TENM2: variants seen among roughly 807,000 people sequenced by gnomAD.
TENM2 encodes the protein teneurin-2.
Under a neutral mutation model 245.2 loss-of-function variants are expected in TENM2, and 52 were observed. The ratio of observed to expected loss-of-function variants is 0.21; its 90% CI spans 0.17 to 0.27. TENM2 has a LOEUF of 0.27. Ranked by LOEUF, TENM2 falls within the 10% of genes least tolerant of loss-of-function variation. TENM2 has a pLI of 1.00. For synonymous variants in TENM2, 1,363 were observed against 1,438.9 expected (o/e 0.95, Z 1.19); for missense variants, 3,046 against 3,666.8 (o/e 0.83, Z 4.37).
chr5:167,839,477 G>A lies in TENM2; in HGVS notation c.503-36509G>A, dbSNP rs370140537. Reference sequence around the variant, plus strand: ...TCATAGCTTTTAGAAAAGAAAAAACGAAGAGGTTAGATAGGCCCTGATGTA... The same window carrying A: ...TCATAGCTTTTAGAAAAGAAAAAACAAAGAGGTTAGATAGGCCCTGATGTA... On this transcript the variant is annotated intron_variant, in intron 2 of 28. Transcript: ENST00000518659. Among the ~76,000 whole-genome samples the A allele has an allele frequency of 3.3e-5, 5 of 152,192 alleles. No individual in the cohort carries two copies. The Middle Eastern group carries it at 0.01, about 311-fold the overall frequency.
intron 2 of TENM2, among the ~76,000 whole-genome samples, chr5:167,489,070 C>A (rs980798785): frequency 7.2e-5 from 11 of 152,232 alleles, no homozygotes; most frequent in African/African-American, 2.2e-4. Flanking sequence ...ACCACCATCA[C>A]TCCCCCTGGG....
chr5:168,258,449 C>T (rs1050355929), intron 27 of TENM2, among the ~76,000 whole-genome samples: 7 of 151,998 alleles, frequency 4.6e-5, no homozygotes, highest in African/African-American at 1.7e-4. Flanking sequence ...TGCAGTGAGC[C>T]GAAATCGCGC....
intron 2 of TENM2, among the ~76,000 whole-genome samples, chr5:167,733,617 A>G (rs1760589704): frequency 6.6e-6 from 1 of 152,176 alleles, no homozygotes; most frequent in Non-Finnish European, 1.5e-5. Context: ...CAACTTCTGA[A>G]GTTAGTTTTT....
chr5:167,144,401 C>T, the TENM2 span, among the ~76,000 whole-genome samples: 4 of 152,156 alleles, frequency 2.6e-5, no homozygotes, highest in Admixed American at 6.6e-5. Context: ...AAGGAAGCCC[C>T]GGTGCTTTGT....
chr5:168,097,644 T>A (rs985353089), intron 8 of TENM2, among the ~76,000 whole-genome samples: 1 of 151,858 alleles, frequency 6.6e-6, no homozygotes, highest in Non-Finnish European at 1.5e-5. Context: ...TAGTGATGGG[T>A]TTTTACCATG....
chr5:167,503,251 A>AT (rs1239871357), intron 2 of TENM2, among the ~76,000 whole-genome samples: 4 of 152,172 alleles, frequency 2.6e-5, no homozygotes, highest in African/African-American at 2.4e-5. Flanking sequence ...ATCATTATAT[A>AT]TTTTTTTAAA....
intron 3 of TENM2, among the ~76,000 whole-genome samples, chr5:167,916,885 G>C (rs1417376322): frequency 6.6e-6 from 1 of 152,216 alleles, no homozygotes; most frequent in Non-Finnish European, 1.5e-5. Context: ...AGCCGCAGCT[G>C]ATCTCAGCAT....
chr5:167,659,491 G>A lies in TENM2; in HGVS notation c.503-216495G>A, dbSNP rs113744417. Among the ~76,000 whole-genome samples, 1,111 of 152,236 alleles carry A rather than the reference G, an allele frequency of 7.3e-3. 12 individuals are homozygous for A. Among genetic ancestry groups the A allele is most frequent in the African/African-American group, 0.023 (967 of 41,550 alleles). ...TACAAGGAAGCAAATGAAATACTCA[G>A]TACTTTCCTTTATACATTTATCCAC... is the stretch of plus-strand genomic sequence containing the variant. On this transcript the variant is annotated intron_variant, in intron 2 of 28. Coordinates refer to ENST00000518659, the Ensembl canonical transcript of TENM2.
At chr5:168,022,558 G>A (rs540296804) in intron 5 of TENM2, among the ~76,000 whole-genome samples, 1 of 152,136 alleles carries the variant, frequency 6.6e-6, no homozygotes, top group Non-Finnish European at 1.5e-5. Context: ...CTACCACTCG[G>A]GTTAAGTTTT....
chr5:167,446,237 A>G (rs1456388436), intron 2 of TENM2, among the ~76,000 whole-genome samples: 3 of 152,190 alleles, frequency 2.0e-5, no homozygotes, highest in African/African-American at 4.8e-5. Flanking sequence ...GCGAGTGAAC[A>G]CTGAAAGACT....
intron 2 of TENM2, among the ~76,000 whole-genome samples, chr5:167,791,882 T>G (rs1194390794): frequency 6.6e-6 from 1 of 152,116 alleles, no homozygotes; most frequent in African/African-American, 2.4e-5. Context: ...GGCAGTTGAC[T>G]CTTCAGATGG....
At chr5:167,579,667 A>G (rs1350796685) in intron 2 of TENM2, among the ~76,000 whole-genome samples, 1 of 152,174 alleles carries the variant, frequency 6.6e-6, no homozygotes, top group Non-Finnish European at 1.5e-5. Context: ...TGTGTGTGTG[A>G]GTGTGGAGAA....
chr5:167,641,966 C>T (rs1779642210), intron 2 of TENM2, among the ~76,000 whole-genome samples: 1 of 151,800 alleles, frequency 6.6e-6, no homozygotes, highest in South Asian at 2.1e-4. Flanking sequence ...CATGGTGAAA[C>T]CCCGTTTCTA....
intron 2 of TENM2, 77 bp from the exon 5 acceptor site, chr5:167,875,909 T>A: frequency 1.1e-6 from 1 of 883,944 alleles, no homozygotes; most frequent in Non-Finnish European, 1.8e-6. Flanking sequence ...TATTGTGAGC[T>A]GGTTTCAATG....
intron 2 of TENM2, among the ~76,000 whole-genome samples, chr5:167,678,102 T>G (rs962415124): frequency 1.3e-5 from 2 of 152,134 alleles, no homozygotes; most frequent in East Asian, 1.9e-4. Flanking sequence ...AGAATAGATT[T>G]TAATACATAT....
the TENM2 span, among the ~76,000 whole-genome samples, chr5:167,121,917 C>T: frequency 1.1e-4 from 16 of 152,132 alleles, no homozygotes; most frequent in Non-Finnish European, 1.8e-4. Flanking sequence ...AGTTTAAATA[C>T]TTTGATATAT....
At chr5:167,382,937 T>C (rs1761177306) in intron 2 of TENM2, among the ~76,000 whole-genome samples, 1 of 151,948 alleles carries the variant, frequency 6.6e-6, no homozygotes, top group Non-Finnish European at 1.5e-5. Flanking sequence ...CACACAAATA[T>C]ATAAAACTAT....
At chr5:167,439,347 A>C (rs1310497648) in intron 2 of TENM2, among the ~76,000 whole-genome samples, 1 of 152,176 alleles carries the variant, frequency 6.6e-6, no homozygotes, top group Non-Finnish European at 1.5e-5. Flanking sequence ...TAGATACATG[A>C]ATGGCGGGTT....
chr5:167,857,191 G>A (rs1016466928), intron 2 of TENM2, among the ~76,000 whole-genome samples: 2 of 152,172 alleles, frequency 1.3e-5, no homozygotes, highest in Non-Finnish European at 2.9e-5. Context: ...ATGTATAAAG[G>A]AGAGGTATAG....
Sources: allele counts gnomAD v4.1 joint callset (sites outside exome capture counted in the v4.1 genomes callset), GRCh38; gene constraint gnomAD v4.1.1; transcripts MANE v1.5; gene names NCBI Gene and HGNC (gene_info 2026-07-23, HGNC 2026-07-21).